MGMT: variants seen among roughly 807,000 people sequenced by gnomAD.
The protein encoded by MGMT is O-6-methylguanine-DNA methyltransferase.
Under a neutral mutation model 15.9 loss-of-function variants are expected in MGMT, and 14 were observed. The observed-to-expected ratio is 0.88, with a 90% CI of 0.58 to 1.37. MGMT has a LOEUF of 1.37. MGMT is among the 40% of genes most tolerant of loss of function. MGMT has a pLI of 0.00. For missense variants in MGMT, 282 were observed against 268.1 expected (o/e 1.05, Z -0.36); for synonymous variants, 130 against 118.2 (o/e 1.10, Z -0.65).
chr10:129,472,230 T>C (rs539833439), intron 1 of MGMT, among the ~76,000 whole-genome samples: 1 of 152,262 alleles, frequency 6.6e-6, no homozygotes, highest in Non-Finnish European at 1.5e-5. Context: ...GTGGGAGTGA[T>C]GCTGTTTCCT....
chr10:129,753,358 T>C (rs1848770299), intron 3 of MGMT, among the ~76,000 whole-genome samples: 1 of 152,196 alleles, frequency 6.6e-6, no homozygotes, highest in South Asian at 2.1e-4. Flanking sequence ...TACAGTTGTG[T>C]ATCTTTTGCC....
intron 3 of MGMT, among the ~76,000 whole-genome samples, chr10:129,752,450 G>C (rs1163116553): frequency 6.6e-6 from 1 of 151,876 alleles, no homozygotes; most frequent in East Asian, 1.9e-4. Flanking sequence ...CTTTTCCTTG[G>C]CATGGTTAGA....
At chr10:129,702,537 G>A (rs1479752630) in intron 2 of MGMT, among the ~76,000 whole-genome samples, 1 of 152,158 alleles carries the variant, frequency 6.6e-6, no homozygotes, top group African/African-American at 2.4e-5. Context: ...TCTCCTGCTG[G>A]GTTCAAGGGA....
intron 1 of MGMT, among the ~76,000 whole-genome samples, chr10:129,504,642 A>G (rs1845607235): frequency 6.6e-6 from 1 of 152,204 alleles, no homozygotes; most frequent in Non-Finnish European, 1.5e-5. Context: ...CCCCCTCTTG[A>G]GAAGGACTAG....
At chr10:129,728,170 T>A (rs1346056385) in intron 3 of MGMT, among the ~76,000 whole-genome samples, 1 of 152,098 alleles carries the variant, frequency 6.6e-6, no homozygotes, top group Non-Finnish European at 1.5e-5. Context: ...AAGGGGGACC[T>A]GAAGCAGCTG....
intron 3 of MGMT, among the ~76,000 whole-genome samples, chr10:129,754,707 G>A (rs1270061749): frequency 6.6e-6 from 1 of 152,244 alleles, no homozygotes; most frequent in Non-Finnish European, 1.5e-5. Context: ...ACCCCGTGGT[G>A]GAAGGCATTC....
chr10:129,689,371 A>G (rs1847945665), intron 2 of MGMT, among the ~76,000 whole-genome samples: 1 of 152,176 alleles, frequency 6.6e-6, no homozygotes, highest in Non-Finnish European at 1.5e-5. Context: ...TCCACACCCA[A>G]CAGAGCTCCA....
intron 2 of MGMT, among the ~76,000 whole-genome samples, chr10:129,650,719 T>C (rs1847447593): frequency 6.6e-6 from 1 of 152,084 alleles, no homozygotes; most frequent in South Asian, 2.1e-4. Flanking sequence ...CCAAGTACTT[T>C]GGGTGGTGGT....
chr10:129,754,140 G>A (rs1848779756), intron 3 of MGMT, among the ~76,000 whole-genome samples: 1 of 151,594 alleles, frequency 6.6e-6, no homozygotes, highest in Non-Finnish European at 1.5e-5. Flanking sequence ...TGCATAGGCG[G>A]GGAAGTAGAC....
intron 1 of MGMT, among the ~76,000 whole-genome samples, chr10:129,475,641 G>GCGGGC (rs1263139781): frequency 6.6e-6 from 1 of 152,148 alleles, no homozygotes; most frequent in Non-Finnish European, 1.5e-5. Flanking sequence ...TGTGCGGGGT[G>GCGGGC]CGGGCCGATC....
At chr10:129,697,062 G>T (rs1006269445) in intron 2 of MGMT, among the ~76,000 whole-genome samples, 1 of 152,176 alleles carries the variant, frequency 6.6e-6, no homozygotes, top group Non-Finnish European at 1.5e-5. Context: ...TTGGGCAGCA[G>T]TCTGGGAGCT....
chr10:129,702,669 G>T (rs561881482), intron 2 of MGMT, among the ~76,000 whole-genome samples: 1 of 152,186 alleles, frequency 6.6e-6, no homozygotes, highest in East Asian at 1.9e-4. Context: ...GCTCCTGCTG[G>T]CATCATGAGC....
intron 2 of MGMT, among the ~76,000 whole-genome samples, chr10:129,670,339 C>T (rs952039220): frequency 3.3e-5 from 5 of 151,980 alleles, no homozygotes; most frequent in East Asian, 1.9e-4. Flanking sequence ...CAGGTTGTAC[C>T]GAAGTAGTAC....
chr10:129,538,119 T>G (rs778296796), intron 2 of MGMT, among the ~76,000 whole-genome samples: 1 of 152,220 alleles, frequency 6.6e-6, no homozygotes, highest in Non-Finnish European at 1.5e-5. Flanking sequence ...AGTATATGAA[T>G]AGTCAATTAA....
Position 129,769,658 on chromosome 10 carries a change from T to C in MGMT, c.*2661T>C, listed in dbSNP as rs1271857591. 3.3e-5 allele frequency among the ~76,000 whole-genome samples: 5 copies of C among 152,164 alleles called. No individual in the cohort carries two copies. The highest frequency in any genetic ancestry group is 1.2e-4 in the African/African-American group (5 of 41,450). ...ACACTTGTGGCAAAATAAGTTGCCT[T>C]TGGCCACGCAGGAGACTGAGTTTTG... On this transcript the variant is annotated 3_prime_UTR_variant, in exon 5 of 5. Coordinates refer to ENST00000651593, the MANE Select transcript of MGMT (RefSeq NM_002412.5).
At chr10:129,562,614 A>G (rs1846293906) in intron 2 of MGMT, among the ~76,000 whole-genome samples, 1 of 152,176 alleles carries the variant, frequency 6.6e-6, no homozygotes, top group South Asian at 2.1e-4. Context: ...AGATGGAATT[A>G]GGTCTACTTT....
At chr10:129,604,743 T>TC (rs930185905) in intron 2 of MGMT, among the ~76,000 whole-genome samples, 4 of 100,240 alleles carry the variant, frequency 4.0e-5, no homozygotes, top group Admixed American at 9.6e-5. Context: ...CCCCACCCCC[T>TC]CCCCCCGGCT....
intron 2 of MGMT, among the ~76,000 whole-genome samples, chr10:129,673,361 C>G (rs1320352486): frequency 1.3e-5 from 2 of 152,234 alleles, no homozygotes; most frequent in Non-Finnish European, 2.9e-5. Context: ...GCCCACCTCC[C>G]CATCTTCCTT....
chr10:129,678,798 A>C (rs1386441635), intron 2 of MGMT, among the ~76,000 whole-genome samples: 4 of 152,130 alleles, frequency 2.6e-5, no homozygotes, highest in Non-Finnish European at 5.9e-5. Flanking sequence ...AGAGCCGGGC[A>C]TGGTGGCTCA....
Sources: gnomAD v4.1 joint callset for allele counts (sites outside exome capture counted in the v4.1 genomes callset) on GRCh38, gnomAD v4.1.1 for gene constraint, MANE v1.5 for transcripts, NCBI Gene and HGNC (gene_info 2026-07-23, HGNC 2026-07-21) for gene names.